PAPPA: variants seen among roughly 807,000 people sequenced by gnomAD.
The protein encoded by PAPPA is pappalysin 1.
PAPPA carries 60 observed loss-of-function variants against 164.0 expected under a neutral mutation model. The ratio of observed to expected loss-of-function variants is 0.37; its 90% CI spans 0.30 to 0.45. The LOEUF is 0.45. Ranked by LOEUF, PAPPA falls within the 20% of genes least tolerant of loss-of-function variation. The pLI is 1.00. For missense variants in PAPPA, 1,782 were observed against 2,087.3 expected (o/e 0.85, Z 2.85); for synonymous variants, 875 against 814.1 (o/e 1.07, Z -1.27).
chr9:116,190,020 C>T (rs1197555967), intron 2 of PAPPA, among the ~76,000 whole-genome samples: 1 of 152,210 alleles, frequency 6.6e-6, no homozygotes, highest in African/African-American at 2.4e-5. Context: ...TGACCAGTCT[C>T]TTCTAGGTCA....
intron 7 of PAPPA, among the ~76,000 whole-genome samples, chr9:116,236,980 C>T (rs935215294): frequency 6.6e-6 from 1 of 152,214 alleles, no homozygotes; most frequent in African/African-American, 2.4e-5. Flanking sequence ...GAGTCTTCGC[C>T]ATCTAACTTG....
chr9:116,302,660 T>C (rs1587994528), intron 9 of PAPPA, 97 bp from the exon 10 acceptor site: 19 of 901,162 alleles, frequency 2.1e-5, no homozygotes, highest in Non-Finnish European at 3.1e-5. Flanking sequence ...ACAGTACCAA[T>C]GGTTTTGGTG....
intron 14 of PAPPA, among the ~76,000 whole-genome samples, chr9:116,345,271 T>C (rs557254615): frequency 6.6e-6 from 1 of 152,022 alleles, no homozygotes; most frequent in South Asian, 2.1e-4. Flanking sequence ...GTCAAGGGAA[T>C]TGTAGGGTGT....
intron 14 of PAPPA, 45 bp from the exon 15 acceptor site, chr9:116,346,981 G>C (rs757391404): frequency 2.6e-6 from 4 of 1,529,080 alleles, no homozygotes; most frequent in Non-Finnish European, 3.6e-6. Flanking sequence ...TCCACATCTA[G>C]AGCTCAGTCT....
chr9:116,309,262 G>C (rs1845685712), intron 10 of PAPPA, among the ~76,000 whole-genome samples: 1 of 152,028 alleles, frequency 6.6e-6, no homozygotes, highest in African/African-American at 2.4e-5. Flanking sequence ...TTTTAGTAGA[G>C]ATGGGGTTTC....
intron 10 of PAPPA, among the ~76,000 whole-genome samples, chr9:116,324,193 A>G (rs1014550981): frequency 2.0e-5 from 3 of 152,142 alleles, no homozygotes; most frequent in African/African-American, 7.2e-5. Flanking sequence ...GTTAACATCT[A>G]TGGTTAAGAA....
At chr9:116,181,672 G>A (rs1186696478) in intron 1 of PAPPA, among the ~76,000 whole-genome samples, 8 of 152,190 alleles carry the variant, frequency 5.3e-5, no homozygotes, top group South Asian at 2.1e-4. Flanking sequence ...AGAAAAATCA[G>A]TATCGACATT....
chr9:116,324,653 T>A (rs766727578), intron 10 of PAPPA, among the ~76,000 whole-genome samples: 43 of 152,136 alleles, frequency 2.8e-4, no homozygotes, highest in Non-Finnish European at 5.4e-4. Flanking sequence ...TAATTCTGCC[T>A]GGGGAGTGAG....
chr9:116,388,490 G>C (rs1391261486), intron 21 of PAPPA, among the ~76,000 whole-genome samples: 1 of 152,194 alleles, frequency 6.6e-6, no homozygotes, highest in Non-Finnish European at 1.5e-5. Flanking sequence ...ACTAGTTGTG[G>C]TCATGTTTCA....
intron 15 of PAPPA, among the ~76,000 whole-genome samples, chr9:116,349,040 C>A (rs1846247460): frequency 6.6e-6 from 1 of 151,886 alleles, no homozygotes; most frequent in Admixed American, 6.6e-5. Context: ...CCCCACCTGG[C>A]CCTCTCCTCT....
chr9:116,209,766 C>T (rs1019249923), intron 3 of PAPPA, among the ~76,000 whole-genome samples: 2 of 152,130 alleles, frequency 1.3e-5, no homozygotes, highest in African/African-American at 4.8e-5. Context: ...CTCATTACCT[C>T]AATAATGAAG....
chr9:116,262,201 TA>T (rs11334752), intron 7 of PAPPA, among the ~76,000 whole-genome samples: 103,828 of 145,356 alleles, frequency 0.71, 36,975 homozygotes, highest in Admixed American at 0.78. Context: ...AAGACTGTCT[TA>T]AAAAAAAAAA....
intron 9 of PAPPA, chr9:116,286,388 T>TAGGAG (rs1157432928): frequency 1.3e-5 from 2 of 152,242 alleles, no homozygotes. Flanking sequence ...AATTAACTCG[T>TAGGAG]AGCTGGAAAG....
At chr9:116,258,002 T>G (rs1012771107) in intron 7 of PAPPA, among the ~76,000 whole-genome samples, 3 of 151,890 alleles carry the variant, frequency 2.0e-5, no homozygotes, top group African/African-American at 4.8e-5. Flanking sequence ...ATGCTTAGAG[T>G]AAGGCATATA....
At chr9:116,356,760 C>T (rs1314291878) in intron 17 of PAPPA, among the ~76,000 whole-genome samples, 1 of 152,050 alleles carries the variant, frequency 6.6e-6, no homozygotes, top group African/African-American at 2.4e-5. Flanking sequence ...TTTCTGTAGC[C>T]TTGTAGTGTA....
rs1194079918 is a variant in PAPPA, at chr9:116,352,798, C to T, written c.4057C>T (p.Pro1353Ser). Residue 1353 changes from proline to serine, a missense_variant, in exon 16 of 22, where the codon CCC becomes TCC. Pro to Ser is a moderately conservative substitution (Grantham distance 74). Around this residue, in one of 2 missense-constraint regions of PAPPA, gnomAD observed 1,324 missense variants for 1,656.9 expected, o/e 0.80. Transcript: ENST00000328252. ...CATGTGCCTCGCTCCACCCCCTGTG[C>T]CCAATGCAGACCTCCAGACCGCCCG... is the stretch of plus-strand genomic sequence containing the variant. ...ELMCLAPPPVPNADLQTARCR... is the reference protein window; with the variant it reads ...ELMCLAPPPVSNADLQTARCR... 1.2e-6 allele frequency: 2 copies of T among 1,613,918 alleles called. No homozygotes were observed. Among genetic ancestry groups the T allele is most frequent in the Non-Finnish European group, 1.7e-6 (2 of 1,179,920 alleles).
intron 9 of PAPPA, among the ~76,000 whole-genome samples, chr9:116,298,059 A>G (rs191691772): frequency 1.3e-5 from 2 of 152,228 alleles, no homozygotes; most frequent in Non-Finnish European, 2.9e-5. Context: ...TCTTAACAAT[A>G]GCTCTAACCT....
intron 2 of PAPPA, among the ~76,000 whole-genome samples, chr9:116,194,355 A>G (rs895533894): frequency 9.2e-5 from 14 of 152,210 alleles, no homozygotes; most frequent in African/African-American, 3.1e-4. Context: ...AGAGTTAACC[A>G]GCATGCAGAT....
rs1160799981 is a variant in PAPPA at position 116,399,915 on chromosome 9, T to C, written c.*3299T>C. The C allele has an allele frequency of 5.2e-5, 8 of 152,606 alleles. No individual in the cohort carries two copies. The highest frequency in any genetic ancestry group is 5.2e-4 in the Admixed American group (8 of 15,274). 9.5% of individuals were successfully genotyped at this position (152,606 alleles called of 1,614,324 possible). On this transcript the variant is annotated 3_prime_UTR_variant, in exon 22 of 22. Coordinates refer to ENST00000328252, the MANE Select transcript of PAPPA (RefSeq NM_002581.5). ...CATCCTGGCCAATGCTTAAATACTA[T>C]TTGTTGAAAATAATTCTTTGAGACA...
Sources: allele counts gnomAD v4.1 joint callset (sites outside exome capture counted in the v4.1 genomes callset), GRCh38; gene constraint gnomAD v4.1.1; regional missense constraint gnomAD v4.1.1; transcripts MANE v1.5; gene names NCBI Gene and HGNC (gene_info 2026-07-23, HGNC 2026-07-21).